RTL4: variants seen among roughly 807,000 people sequenced by gnomAD.
The protein encoded by RTL4 is retrotransposon Gag like 4, also known as retrotransposon Gag-like protein 4.
Under a neutral mutation model 5.3 loss-of-function variants are expected in RTL4, and 4 were observed. The observed-to-expected ratio is 0.75, with a 90% CI of 0.37 to 1.72. RTL4 has a LOEUF of 1.72. Ranked by LOEUF, RTL4 falls within the 40% of genes most tolerant of loss-of-function variation. The pLI, the probability that RTL4 is intolerant of heterozygous loss-of-function variation, is 0.04. For synonymous variants in RTL4, 98 were observed against 87.3 expected (o/e 1.12, Z -0.68); for missense variants, 260 against 227.1 (o/e 1.14, Z -0.93).
chrX:112,431,612 T>C, the RTL4 span, among the ~76,000 whole-genome samples: 1 of 111,908 alleles, frequency 8.9e-6, no homozygotes, highest in Non-Finnish European at 1.9e-5. Flanking sequence ...CTCTCTAATT[T>C]AGGGGGCAGC....
chrX:112,185,048 A>T, the RTL4 span, among the ~76,000 whole-genome samples: 2 of 111,058 alleles, frequency 1.8e-5, no homozygotes, highest in African/African-American at 6.5e-5. Flanking sequence ...GTAGAGTTCA[A>T]TCATATCATA....
At chrX:112,138,569 T>C in the RTL4 span, among the ~76,000 whole-genome samples, 1 of 111,121 alleles carries the variant, frequency 9.0e-6, no homozygotes, top group East Asian at 2.8e-4. Flanking sequence ...ACATCAATCA[T>C]ACCTCAGTAA....
At chrX:112,390,217 C>G in the RTL4 span, among the ~76,000 whole-genome samples, 2 of 81,902 alleles carry the variant, frequency 2.4e-5, no homozygotes, top group Non-Finnish European at 4.6e-5. Context: ...ATTTGGGAGG[C>G]TGAGGGAAGT....
At chrX:112,152,366 T>C in the RTL4 span, among the ~76,000 whole-genome samples, 3 of 111,978 alleles carry the variant, frequency 2.7e-5, no homozygotes, top group African/African-American at 9.7e-5. Flanking sequence ...GGAAACTCAA[T>C]GGAAGTTTGT....
At chrX:112,356,579 G>GGGGTGTGT in the RTL4 span, among the ~76,000 whole-genome samples, 23 of 99,453 alleles carry the variant, frequency 2.3e-4, 1 homozygote, top group African/African-American at 8.6e-4. Context: ...TTTGTTTTGG[G>GGGGTGTGT]GTGTGTGTGT....
At chrX:112,325,856 G>C in the RTL4 span, among the ~76,000 whole-genome samples, 2 of 111,961 alleles carry the variant, frequency 1.8e-5, no homozygotes, top group Non-Finnish European at 3.8e-5. Context: ...CCATCAGAGT[G>C]AACACGCAAC....
the RTL4 span, among the ~76,000 whole-genome samples, chrX:112,121,896 G>A: frequency 9.0e-5 from 10 of 111,398 alleles, no homozygotes; most frequent in South Asian, 3.4e-3. Flanking sequence ...TACAGTAAAA[G>A]CATTTAATAA....
chrX:112,431,494 T>C, the RTL4 span, among the ~76,000 whole-genome samples: 1 of 110,870 alleles, frequency 9.0e-6, no homozygotes, highest in African/African-American at 3.3e-5. Flanking sequence ...TCCAGCAATT[T>C]GTCAATTACA....
chrX:112,129,656 T>C, the RTL4 span, among the ~76,000 whole-genome samples: 3 of 112,060 alleles, frequency 2.7e-5, no homozygotes, highest in African/African-American at 9.7e-5. Flanking sequence ...GTTGTATCCA[T>C]TATTGTATAG....
chrX:112,241,877 G>T, the RTL4 span, among the ~76,000 whole-genome samples: 1 of 112,042 alleles, frequency 8.9e-6, no homozygotes, highest in Non-Finnish European at 1.9e-5. Flanking sequence ...TTTGTATAAG[G>T]TGTAAGGAAG....
chrX:112,264,232 T>A, the RTL4 span, among the ~76,000 whole-genome samples: 21,186 of 111,594 alleles, frequency 0.19, 1,494 homozygotes, highest in African/African-American at 0.25. Context: ...ACTTGGAAAT[T>A]AGGCTAGTGT....
the RTL4 span, among the ~76,000 whole-genome samples, chrX:112,243,705 G>C: frequency 9.0e-6 from 1 of 111,268 alleles, no homozygotes; most frequent in Non-Finnish European, 1.9e-5. Context: ...CTTCAGTTCT[G>C]CTCTGATCTT....
chrX:112,376,153 C>T, the RTL4 span, among the ~76,000 whole-genome samples: 2 of 111,018 alleles, frequency 1.8e-5, no homozygotes, highest in African/African-American at 6.6e-5. Context: ...TAGGACAGCC[C>T]CTCAAAACGA....
At chrX:112,224,635 G>A in the RTL4 span, among the ~76,000 whole-genome samples, 1 of 111,316 alleles carries the variant, frequency 9.0e-6, no homozygotes, top group Non-Finnish European at 1.9e-5. Context: ...CACCAGATCT[G>A]GTCTTTCCAG....
the RTL4 span, among the ~76,000 whole-genome samples, chrX:112,162,083 C>T: frequency 2.1e-3 from 232 of 110,120 alleles, no homozygotes; most frequent in Admixed American, 3.7e-3. Context: ...GTTACATTTG[C>T]TATTTACAAA....
At chrX:112,144,769 G>A in the RTL4 span, among the ~76,000 whole-genome samples, 1 of 111,614 alleles carries the variant, frequency 9.0e-6, no homozygotes, top group East Asian at 2.8e-4. Flanking sequence ...ACGCTCTTCT[G>A]TTCCTCCACA....
At chrX:112,204,336 A>G in the RTL4 span, among the ~76,000 whole-genome samples, 1 of 112,268 alleles carries the variant, frequency 8.9e-6, no homozygotes, top group Non-Finnish European at 1.9e-5. Flanking sequence ...AAAAAAAAGG[A>G]AACCAGTGTA....
chrX:112,303,829 G>T, the RTL4 span, among the ~76,000 whole-genome samples: 1 of 109,380 alleles, frequency 9.1e-6, no homozygotes, highest in Non-Finnish European at 1.9e-5. Context: ...ATAGGCTTCT[G>T]CTCATGTTAA....
the RTL4 span, among the ~76,000 whole-genome samples, chrX:112,231,721 T>C: frequency 1.9e-4 from 21 of 110,848 alleles, no homozygotes; most frequent in African/African-American, 5.9e-4. Flanking sequence ...TAAAGTATAA[T>C]AATAATAAAA....
Sources: gnomAD v4.1 joint callset for allele counts (sites outside exome capture counted in the v4.1 genomes callset) on GRCh38, gnomAD v4.1.1 for gene constraint, MANE v1.5 for transcripts, NCBI Gene and HGNC (gene_info 2026-07-23, HGNC 2026-07-21) for gene names.